The following KAZN variants were observed in gnomAD, a reference collection of about 807,000 sequenced individuals.
KAZN encodes kazrin, periplakin interacting protein.
A neutral mutation model predicts 87.4 loss-of-function variants in KAZN; 40 were observed. The observed-to-expected ratio is 0.46, with a 90% confidence interval of 0.36 to 0.60. The LOEUF (loss-of-function observed/expected upper bound fraction) is 0.60. KAZN is among the 20% of genes least tolerant of loss of function. The probability of loss-of-function intolerance (pLI) is 0.00; values close to 1 mark genes in which losing one functional copy is unlikely to be tolerated. For missense variants in KAZN, 898 were observed against 1,073.9 expected, an observed-to-expected ratio of 0.84 and a Z score of 2.29; for synonymous variants, 466 against 458.3, an observed-to-expected ratio of 1.02 and a Z score of -0.22.
chr1:14,724,755 G>C (rs1431641576), intron 1 of KAZN, among the ~76,000 whole-genome samples: 1 of 152,224 alleles, frequency 6.6e-6, no homozygotes, highest in African/African-American at 2.4e-5. Context: ...TGCCCCGTTG[G>C]CTTTGATGGG....
chr1:14,743,747 T>A (rs1164920590), intron 1 of KAZN, among the ~76,000 whole-genome samples: 3 of 152,154 alleles, frequency 2.0e-5, no homozygotes, highest in Admixed American at 6.5e-5. Context: ...CCTGCTGTCT[T>A]GAACCACTTT....
At chr1:14,622,925 ATT>A (rs5772593) in intron 1 of KAZN, among the ~76,000 whole-genome samples, 39 of 148,386 alleles carry the variant, frequency 2.6e-4, no homozygotes, top group African/African-American at 6.4e-4. Flanking sequence ...AGTGTTCTTA[ATT>A]TTTTTTTTTT....
chr1:14,451,401 G>C (rs1256341796), intron 2 of KAZN, among the ~76,000 whole-genome samples: 1 of 152,096 alleles, frequency 6.6e-6, no homozygotes, highest in African/African-American at 2.4e-5. Context: ...CCAGCTCAGG[G>C]CTTACTTTCT....
rs149293741 is a variant in KAZN at position 14,397,852 on chromosome 1, A to G, written c.250-201131A>G. 5.5e-3 allele frequency among the ~76,000 whole-genome samples: 728 copies of G among 132,282 alleles called. 8 individuals are homozygous for G. Among genetic ancestry groups the G allele is most frequent in the African/African-American group, 0.02 (686 of 33,886 alleles). 86.8% of individuals were successfully genotyped at this position (132,282 alleles called of 152,430 possible). On this transcript the variant is annotated intron_variant, in intron 2 of 16. Transcript: ENST00000636203. ...GTCCAGCCTGGGCAACAAGAACAAA[A>G]CTCCATCTCAAAAAAAAAAAAAAAA...
chr1:14,511,818 A>G (rs1161212242), intron 2 of KAZN, among the ~76,000 whole-genome samples: 2 of 152,216 alleles, frequency 1.3e-5, no homozygotes, highest in African/African-American at 4.8e-5. Context: ...ACAATCATGT[A>G]CTAAAAAGCC....
intron 1 of KAZN, among the ~76,000 whole-genome samples, chr1:14,109,859 T>TTTGTCCACATCCTTGG (rs1644462875): frequency 7.3e-6 from 1 of 136,762 alleles, no homozygotes; most frequent in Non-Finnish European, 1.6e-5. Context: ...TATGTAAGTT[T>TTTGTCCACATCCTTGG]CCCTTTACTT....
At position 14,280,370 on chromosome 1, in the gene KAZN, CAAAAAAAAAAAAA is replaced by C. The variant is rs1162522967; in HGVS notation, c.249+99794_249+99806del. Among the ~76,000 whole-genome samples, 20 of 36,852 alleles carry C rather than the reference CAAAAAAAAAAAAA, an allele frequency of 5.4e-4. No individual in the cohort carries two copies. In the East Asian group the frequency reaches 0.02, roughly 36 times the overall value. The allele number at this position is 36,852 out of a possible 152,430, so 24.2% of individuals were successfully genotyped here. On this transcript the variant is annotated intron_variant, in intron 2 of 16. Coordinates refer to the KAZN transcript ENST00000636203. ...TGGGTGACAGAGTGAGACTCCATCT[CAAAAAAAAAAAAA>C]AAAAAAAAAAAAAAAGACGAGGTTG...
intron 1 of KAZN, among the ~76,000 whole-genome samples, chr1:14,114,888 T>C (rs1446203333): frequency 1.3e-5 from 2 of 152,162 alleles, no homozygotes; most frequent in Non-Finnish European, 2.9e-5. Context: ...ACTACAACCA[T>C]AGAGGGTACA....
rs748557652 is a variant in KAZN at position 14,335,116 on chromosome 1, C to CA, written c.249+154525dup. Among the ~76,000 whole-genome samples, 438 of 150,288 alleles carry CA rather than the reference C, an allele frequency of 2.9e-3. 1 individual carries two copies. Among genetic ancestry groups the CA allele is most frequent in the Non-Finnish European group, 5.6e-3 (374 of 67,270 alleles). ...CATGAATGACTCGGTGCCCCCCCCC[C>CA]ACCACCCCAGTGGTGATGAATGAGT... On this transcript the variant is annotated intron_variant, in intron 2 of 16. Transcript: ENST00000636203.
intron 2 of KAZN, among the ~76,000 whole-genome samples, chr1:14,409,125 C>T (rs936751978): frequency 6.6e-6 from 1 of 152,044 alleles, no homozygotes; most frequent in African/African-American, 2.4e-5. Context: ...AGAAGGCAAC[C>T]CTCTTGTACA....
At chr1:14,477,754 C>T (rs1384409235) in intron 2 of KAZN, among the ~76,000 whole-genome samples, 1 of 152,156 alleles carries the variant, frequency 6.6e-6, no homozygotes, top group African/African-American at 2.4e-5. Flanking sequence ...GCTTCCTGAG[C>T]AAACCCCAAA....
chr1:14,573,385 A>G (rs780404858), intron 2 of KAZN, among the ~76,000 whole-genome samples: 2 of 152,202 alleles, frequency 1.3e-5, no homozygotes, highest in Admixed American at 6.5e-5. Context: ...ACGGTGGCTT[A>G]TGCTTGTAAT....
intron 1 of KAZN, among the ~76,000 whole-genome samples, chr1:14,887,807 C>T (rs543739063): frequency 6.6e-6 from 1 of 152,070 alleles, no homozygotes; most frequent in Non-Finnish European, 1.5e-5. Context: ...GTTTCCCTTC[C>T]TTCTTTCTCT....
intron 1 of KAZN, among the ~76,000 whole-genome samples, chr1:14,698,471 G>A (rs1046733825): frequency 3.9e-5 from 6 of 152,192 alleles, no homozygotes; most frequent in African/African-American, 1.2e-4. Context: ...TTGCTGCTTC[G>A]AGGCTGTCCC....
At position 14,599,877 on chromosome 1, in the gene KAZN, C is replaced by T. The variant is rs146017092; in HGVS notation, c.226+654C>T. ...GATACTGTAGACCTCAAAGGTTGAG[C>T]GGTAGAGAAATGAAGGCTTAGGGTG... On this transcript the variant is annotated intron_variant, in intron 1 of 14. Coordinates refer to ENST00000376030, the MANE Select transcript of KAZN (RefSeq NM_201628.3). This position sits in a 1 kb window ranked among gnomAD's most constrained non-coding sequence, Gnocchi z 4.4. Among the ~76,000 whole-genome samples, 73 of 151,704 alleles carry T rather than the reference C, an allele frequency of 4.8e-4. No individual in the cohort carries two copies. The highest frequency in any genetic ancestry group is 1.7e-3 in the African/African-American group (69 of 41,350).
chr1:14,367,439 C>G (rs1347122256), intron 2 of KAZN, among the ~76,000 whole-genome samples: 9 of 152,010 alleles, frequency 5.9e-5, no homozygotes, highest in South Asian at 2.1e-4. Context: ...TCTGATGGAG[C>G]CTGGGGTTTT....
chr1:13,893,733 A>G, exon 1 of KAZN: 1 of 1,550,552 alleles, frequency 6.4e-7, no homozygotes, highest in Non-Finnish European at 8.7e-7. Flanking sequence ...GTCTTTGGTC[A>G]GCAGTGCCAA....
rs528070001 is a variant in KAZN, at chr1:14,736,254, GGTGTGTGTGT to G, written c.226+137068_226+137077del. Among the ~76,000 whole-genome samples the G allele has an allele frequency of 5.8e-3, 668 of 115,294 alleles. 12 individuals are homozygous for G. The highest frequency in any genetic ancestry group is 0.02 in the African/African-American group (622 of 31,138). 75.6% of individuals were successfully genotyped at this position (115,294 alleles called of 152,430 possible). A position where few individuals can be genotyped will look rare whatever the true frequency, so the allele number is the denominator to read the frequency against. ...TGTTGGGGCTCATGTGGGACTCAAGGGTGTGTGTGTGTGTGTGTGTGTGTGTGTGTGTGTG... is the reference window on the plus strand; with the variant it reads ...TGTTGGGGCTCATGTGGGACTCAAGGGTGTGTGTGTGTGTGTGTGTGTGTG... On this transcript the variant is annotated intron_variant, in intron 1 of 14. Coordinates refer to ENST00000376030, the MANE Select transcript of KAZN (RefSeq NM_201628.3).
chr1:14,146,536 CAAAAAAAAAAA>C (rs55928646), intron 1 of KAZN, among the ~76,000 whole-genome samples: 3 of 63,516 alleles, frequency 4.7e-5, no homozygotes, highest in East Asian at 1.5e-3. Flanking sequence ...AACTCCATCT[CAAAAAAAAAAA>C]AAAAAAAAAA....
Sources: gnomAD v4.1 joint callset for allele counts (sites outside exome capture counted in the v4.1 genomes callset) on GRCh38, gnomAD v4.1.1 for gene constraint, Gnocchi (gnomAD v3.1) non-coding constraint, MANE v1.5 for transcripts, NCBI Gene and HGNC (gene_info 2026-07-23, HGNC 2026-07-21) for gene names.